Variants in ARF3 observed in about 807,000 individuals in gnomAD.
ARF3 encodes ARF GTPase 3.
ARF3 carries 5 observed loss-of-function variants against 19.3 expected under a neutral mutation model. That is an observed-to-expected ratio of 0.26 (90% CI 0.14 to 0.54). The LOEUF (loss-of-function observed/expected upper bound fraction) is 0.54, where lower values mean the gene tolerates loss of function less well. Among genes scored for constraint, ARF3 ranks in the 20% least tolerant of loss-of-function variants. The probability of loss-of-function intolerance (pLI) is 0.95; values close to 1 mark genes in which losing one functional copy is unlikely to be tolerated. For synonymous variants in ARF3, 71 were observed against 89.2 expected (o/e 0.80, Z 1.15); for missense variants, 77 against 234.2 (o/e 0.33, Z 4.38).
intron 1 of ARF3, among the ~76,000 whole-genome samples, chr12:48,942,323 C>A (rs2137580477): frequency 6.6e-6 from 1 of 151,776 alleles, no homozygotes; most frequent in African/African-American, 2.4e-5. Context: ...TCAAGCAATC[C>A]TCCTGCCTTA....
In ARF3 at chr12:48,938,840, C is replaced by A. The variant is rs1238445629; in HGVS notation, c.*107G>T. The A allele has an allele frequency of 7.0e-7, 1 of 1,436,456 alleles. No homozygotes were observed. Among genetic ancestry groups the A allele is most frequent in the African/African-American group, 1.4e-5 (1 of 70,690 alleles). The allele number at this position is 1,436,456 out of a possible 1,614,324, so 89.0% of individuals were successfully genotyped here. A position where few individuals can be genotyped will look rare whatever the true frequency, so the allele number is the denominator to read the frequency against. On this transcript the variant is annotated 3_prime_UTR_variant, in exon 5 of 5. Transcript: ENST00000256682. ...CTTGCTGGGCATGTGGACATGATAC[C>A]CAGGGCCCTGGCCACACTTGCATGG...
chr12:48,938,835 G>C lies in ARF3; in HGVS notation c.*112C>G. 7.2e-7 allele frequency: 1 copy of C among 1,398,170 alleles called. No homozygotes were observed. The highest frequency in any genetic ancestry group is 1.4e-5 in the South Asian group (1 of 70,074). The allele number at this position is 1,398,170 out of a possible 1,614,324, so 86.6% of individuals were successfully genotyped here. A position where few individuals can be genotyped will look rare whatever the true frequency, so the allele number is the denominator to read the frequency against. ...AGGCTCTTGCTGGGCATGTGGACAT[G>C]ATACCCAGGGCCCTGGCCACACTTG... On this transcript the variant is annotated 3_prime_UTR_variant, in exon 5 of 5. Coordinates refer to ENST00000256682, the MANE Select transcript of ARF3 (RefSeq NM_001659.3).
chr12:48,938,778 G>C lies in ARF3; in HGVS notation c.*169C>G. 2 of 762,144 alleles carry C rather than the reference G, an allele frequency of 2.6e-6. No individual in the cohort carries two copies. The highest frequency in any genetic ancestry group is 4.2e-6 in the Non-Finnish European group (2 of 473,918). 47.2% of individuals were successfully genotyped at this position (762,144 alleles called of 1,614,324 possible). A position where few individuals can be genotyped will look rare whatever the true frequency, so the allele number is the denominator to read the frequency against. ...CAATTAGGGATTGGTCATATAGGTG[G>C]ACAGGAAAAAGGAGGGGAGGCAGGG... On this transcript the variant is annotated 3_prime_UTR_variant, in exon 5 of 5. Transcript: ENST00000256682.
In ARF3 at chr12:48,939,466, G is replaced by C. The variant is rs575740191; in HGVS notation, c.384+189C>G. On this transcript the variant is annotated intron_variant, in intron 4 of 4. Coordinates refer to ENST00000256682, the MANE Select transcript of ARF3 (RefSeq NM_001659.3). The surrounding 1 kb of genome is among the most constrained non-coding windows in gnomAD (Gnocchi z 4.8). ...AGATTTGAGACAATTCCTGAGGACTGAAATGTTGCTAAATAAAGCTTGGGG... is the reference window on the plus strand; with the variant it reads ...AGATTTGAGACAATTCCTGAGGACTCAAATGTTGCTAAATAAAGCTTGGGG... 2.0e-5 allele frequency among the ~76,000 whole-genome samples: 3 copies of C among 152,296 alleles called. 1 individual carries two copies. Among genetic ancestry groups the C allele is most frequent in the Admixed American group, 1.3e-4 (2 of 15,298 alleles).
chr12:48,942,602 T>TA (rs2137580868), intron 1 of ARF3, among the ~76,000 whole-genome samples: 1 of 152,328 alleles, frequency 6.6e-6, no homozygotes, highest in East Asian at 1.9e-4. Context: ...CACCATCTGA[T>TA]ACATTATATA....
At chr12:48,950,846 C>A (rs960830730) in intron 1 of ARF3, among the ~76,000 whole-genome samples, 4 of 151,884 alleles carry the variant, frequency 2.6e-5, no homozygotes, top group Non-Finnish European at 5.9e-5. Context: ...AGTGCAATGG[C>A]GCAATCTCGG....
intron 1 of ARF3, among the ~76,000 whole-genome samples, chr12:48,948,659 A>C (rs1940404627): frequency 6.6e-6 from 1 of 152,134 alleles, no homozygotes; most frequent in South Asian, 2.1e-4. Flanking sequence ...AAAAATAGAA[A>C]AATTAGCCGG....
rs1003087370 is a variant in ARF3 at position 48,937,950 on chromosome 12, C to G, written c.*997G>C. 1 of 158,816 alleles carries G rather than the reference C, an allele frequency of 6.3e-6. No homozygotes were observed. The allele number at this position is 158,816 out of a possible 1,614,324, so 9.8% of individuals were successfully genotyped here. ...AAAAGAGAATGAAGATGGAAAACCT[C>G]AGGCCTTCGCCTCCCTTCCCCCAAT... On this transcript the variant is annotated 3_prime_UTR_variant, in exon 5 of 5. Coordinates refer to ENST00000256682, the MANE Select transcript of ARF3 (RefSeq NM_001659.3).
chr12:48,949,944 A>G (rs553792750), intron 1 of ARF3, among the ~76,000 whole-genome samples: 11 of 152,342 alleles, frequency 7.2e-5, no homozygotes, highest in African/African-American at 2.6e-4. Flanking sequence ...TGGAGACCAT[A>G]AAGAGAGGGA....
intron 1 of ARF3, among the ~76,000 whole-genome samples, chr12:48,955,375 T>C (rs1393055100): frequency 6.6e-6 from 1 of 152,188 alleles, no homozygotes; most frequent in Non-Finnish European, 1.5e-5. Flanking sequence ...TTTGAAAGAC[T>C]TAGGTCTGAT....
At chr12:48,955,284 C>T (rs1694363476) in intron 1 of ARF3, among the ~76,000 whole-genome samples, 1 of 152,142 alleles carries the variant, frequency 6.6e-6, no homozygotes, top group African/African-American at 2.4e-5. Context: ...TCACTGGTAC[C>T]AATTCTGTAC....
intron 1 of ARF3, among the ~76,000 whole-genome samples, chr12:48,944,347 G>A (rs947904949): frequency 7.2e-5 from 11 of 152,230 alleles, no homozygotes; most frequent in Admixed American, 7.2e-4. Flanking sequence ...TTGCTCGGCT[G>A]TCATGCTGAA....
chr12:48,952,945 C>T (rs1033448181), intron 1 of ARF3, among the ~76,000 whole-genome samples: 1 of 152,230 alleles, frequency 6.6e-6, no homozygotes, highest in Admixed American at 6.5e-5. Flanking sequence ...GTGGCTACAG[C>T]CCTTGGGCCA....
chr12:48,939,510 G>T lies in ARF3; in HGVS notation c.384+145C>A. On this transcript the variant is annotated intron_variant, in intron 4 of 4. Transcript: ENST00000256682. This position sits in a 1 kb window ranked among gnomAD's most constrained non-coding sequence, Gnocchi z 4.8. ...CTTGGGGTGGGGCACAAGAAGAGGG[G>T]CATAAAGAAGCCAAGTGCTCAGTTT... The T allele has an allele frequency of 9.4e-7, 1 of 1,060,220 alleles. No homozygotes were observed. The highest frequency in any genetic ancestry group is 1.4e-6 in the Non-Finnish European group (1 of 731,178). 65.7% of individuals were successfully genotyped at this position (1,060,220 alleles called of 1,614,324 possible).
At chr12:48,947,217 G>A (rs1220779180) in intron 1 of ARF3, among the ~76,000 whole-genome samples, 4 of 151,684 alleles carry the variant, frequency 2.6e-5, no homozygotes, top group Non-Finnish European at 5.9e-5. Flanking sequence ...AGAACTCCTA[G>A]ATGATATCTG....
chr12:48,947,204 A>G (rs1940373158), intron 1 of ARF3, among the ~76,000 whole-genome samples: 2 of 152,344 alleles, frequency 1.3e-5, no homozygotes, highest in Admixed American at 6.5e-5. Context: ...AAATCAGAAC[A>G]TAAGAACTCC....
chr12:48,951,892 T>A (rs1940478832), intron 1 of ARF3, among the ~76,000 whole-genome samples: 1 of 150,246 alleles, frequency 6.7e-6, no homozygotes, highest in Admixed American at 6.6e-5. Flanking sequence ...AAAAAAAAAC[T>A]AATTAAAATA....
In ARF3 at chr12:48,938,974, C is replaced by T; in HGVS notation, c.519G>A (p.Leu173=). 6.2e-7 allele frequency: 1 copy of T among 1,612,536 alleles called. No individual in the cohort carries two copies. Among genetic ancestry groups the T allele is most frequent in the Non-Finnish European group, 8.5e-7 (1 of 1,179,980 alleles). Reference sequence around the variant, plus strand: ...ACTTCTTGTTTTTGAGCTGATTGGCCAGCCAGTCCAGGCCTTCGTACAGCC... The same window carrying T: ...ACTTCTTGTTTTTGAGCTGATTGGCTAGCCAGTCCAGGCCTTCGTACAGCC... ...GDGLYEGLDW[L]ANQLKNKK Residue 173 remains leucine (L), a synonymous_variant, in exon 5 of 5, where the codon CTG becomes CTA. Transcript: ENST00000256682.
intron 1 of ARF3, among the ~76,000 whole-genome samples, chr12:48,953,523 A>C (rs1940505246): frequency 1.3e-5 from 2 of 152,292 alleles, no homozygotes; most frequent in South Asian, 2.1e-4. Flanking sequence ...TCCTGTGCAT[A>C]AGCTAATAAA....
Sources: allele counts gnomAD v4.1 joint callset (sites outside exome capture counted in the v4.1 genomes callset), GRCh38; gene constraint gnomAD v4.1.1; non-coding constraint Gnocchi (gnomAD v3.1); transcripts MANE v1.5; gene names NCBI Gene and HGNC (gene_info 2026-07-23, HGNC 2026-07-21).